Variants in DPY19L2 observed in about 807,000 individuals in gnomAD.
DPY19L2 encodes dpy-19 like 2.
A neutral mutation model predicts 97.9 loss-of-function variants in DPY19L2; 34 were observed. The observed-to-expected ratio is 0.35, with a 90% CI of 0.26 to 0.46. The LOEUF (loss-of-function observed/expected upper bound fraction) is 0.46. Among genes scored for constraint, DPY19L2 ranks in the 20% least tolerant of loss-of-function variants. The probability of loss-of-function intolerance (pLI) is 1.00; values close to 1 mark genes in which losing one functional copy is unlikely to be tolerated. For synonymous variants in DPY19L2, 230 were observed against 307.9 expected (o/e 0.75, Z 2.65); for missense variants, 623 against 911.4 (o/e 0.68, Z 4.07).
rs868086663 is a variant in DPY19L2 at position 63,644,264 on chromosome 12, C to T, written c.803+139G>A. Reference sequence around the variant, plus strand: ...TTCTGGTTACATGATATTGGTTAAGCTTCTGAAAAATCAAGTAAATCCACA... The same window carrying T: ...TTCTGGTTACATGATATTGGTTAAGTTTCTGAAAAATCAAGTAAATCCACA... On this transcript the variant is annotated intron_variant, in intron 6 of 21. Coordinates refer to ENST00000324472, the MANE Select transcript of DPY19L2 (RefSeq NM_173812.5). 21 of 1,110,406 alleles carry T rather than the reference C, an allele frequency of 1.9e-5. No individual in the cohort carries two copies. In the Middle Eastern group the frequency reaches 8.5e-4, roughly 45 times the overall value. 68.8% of individuals were successfully genotyped at this position (1,110,406 alleles called of 1,614,324 possible).
chr12:63,644,777 A>G (rs180777368), intron 5 of DPY19L2, among the ~76,000 whole-genome samples: 3 of 152,192 alleles, frequency 2.0e-5, no homozygotes, highest in Admixed American at 6.5e-5. Context: ...TTACACTTAT[A>G]CTTTATACTT....
chr12:63,610,121 T>TTTAATA (rs1157478503), intron 11 of DPY19L2, among the ~76,000 whole-genome samples: 1 of 150,752 alleles, frequency 6.6e-6, no homozygotes, highest in Non-Finnish European at 1.5e-5. Context: ...AAAGACTATC[T>TTTAATA]TTAATATAAG....
intron 9 of DPY19L2, among the ~76,000 whole-genome samples, chr12:63,618,443 A>T (rs1592591919): frequency 1.3e-5 from 2 of 152,184 alleles, no homozygotes; most frequent in East Asian, 1.9e-4. Flanking sequence ...GCCACAGACT[A>T]TTAACAAAGC....
chr12:63,647,534 C>T (rs918835729), intron 4 of DPY19L2, among the ~76,000 whole-genome samples, 169 bp from the exon 5 acceptor site: 5 of 152,004 alleles, frequency 3.3e-5, no homozygotes, highest in African/African-American at 7.2e-5. Context: ...GGCAAACTAT[C>T]GCAAGGACAT....
chr12:63,628,288 G>T (rs566164750), intron 6 of DPY19L2, among the ~76,000 whole-genome samples: 2 of 152,174 alleles, frequency 1.3e-5, no homozygotes, highest in African/African-American at 2.4e-5. Flanking sequence ...CCCAGGAAGC[G>T]CAAGGGGTCA....
At chr12:63,582,711 G>A (rs1253036355) in intron 17 of DPY19L2, among the ~76,000 whole-genome samples, 186 bp from the exon 18 acceptor site, 4 of 152,002 alleles carry the variant, frequency 2.6e-5, no homozygotes, top group Non-Finnish European at 5.9e-5. Context: ...TGGGTGCTTC[G>A]GATACAGCAG....
chr12:63,621,590 T>C (rs1565782266), intron 8 of DPY19L2, among the ~76,000 whole-genome samples: 1 of 152,172 alleles, frequency 6.6e-6, no homozygotes, highest in South Asian at 2.1e-4. Flanking sequence ...ACAAAAGCTC[T>C]TTTTCCTCTA....
chr12:63,593,438 C>T (rs1270865661), intron 16 of DPY19L2, among the ~76,000 whole-genome samples: 1 of 152,116 alleles, frequency 6.6e-6, no homozygotes, highest in African/African-American at 2.4e-5. Context: ...GGCACATATA[C>T]ACCATGGAAT....
intron 6 of DPY19L2, among the ~76,000 whole-genome samples, chr12:63,637,664 G>T (rs1212646562): frequency 6.6e-6 from 1 of 152,046 alleles, no homozygotes; most frequent in African/African-American, 2.4e-5. Flanking sequence ...CCAGGAAGAA[G>T]TTGAATCCCT....
intron 6 of DPY19L2, among the ~76,000 whole-genome samples, chr12:63,627,608 C>G (rs1296756019): frequency 6.6e-6 from 1 of 152,162 alleles, no homozygotes; most frequent in Non-Finnish European, 1.5e-5. Context: ...CCTCAGCCTC[C>G]CAAAGTGCTG....
Position 63,597,852 on chromosome 12 carries a change from A to G in DPY19L2, c.1418T>C (p.Leu473Ser). The part of the protein sequence containing the change: ...RILRYTDFDT[L>S]IYTCAPEFDF... ...AAATTCGGGAGCACAGGTATATATT[A>G]AAGTATCAAAATCTGTATACCTTAA... is the stretch of plus-strand genomic sequence containing the variant. The change falls in exon 14 of 22, where the codon TTA (leucine) becomes TCA (serine). Residue 473 changes from leucine to serine, a missense_variant. Physicochemically the swap from Leu to Ser is moderately radical, Grantham distance 145. Around this residue, in one of 6 missense-constraint regions of DPY19L2, gnomAD observed 294 missense variants for 446.2 expected, o/e 0.66. Coordinates refer to ENST00000324472, the MANE Select transcript of DPY19L2 (RefSeq NM_173812.5). The G allele has an allele frequency of 6.2e-7, 1 of 1,608,188 alleles. No homozygotes were observed. Among genetic ancestry groups the G allele is most frequent in the Non-Finnish European group, 8.5e-7 (1 of 1,178,180 alleles).
chr12:63,666,967 T>C (rs1260102291), intron 1 of DPY19L2, among the ~76,000 whole-genome samples: 5 of 152,188 alleles, frequency 3.3e-5, no homozygotes, highest in Admixed American at 6.5e-5. Context: ...ATTAAAAAAT[T>C]GCAGTGTTGA....
At chr12:63,603,732 T>C (rs1051223597) in intron 12 of DPY19L2, among the ~76,000 whole-genome samples, 4 of 152,204 alleles carry the variant, frequency 2.6e-5, no homozygotes, top group African/African-American at 7.2e-5. Flanking sequence ...TAATATTCCA[T>C]GGTATATATG....
chr12:63,659,697 G>A (rs1895422205), intron 4 of DPY19L2, among the ~76,000 whole-genome samples: 1 of 152,032 alleles, frequency 6.6e-6, no homozygotes, highest in African/African-American at 2.4e-5. Context: ...ATTGTACCGA[G>A]ACAATTAATT....
rs548305097 is a variant in DPY19L2 at position 63,600,320 on chromosome 12, C to T, written c.1345G>A (p.Gly449Ser). 1 of 1,607,902 alleles carries T rather than the reference C, an allele frequency of 6.2e-7. No homozygotes were observed. The highest frequency in any genetic ancestry group is 8.5e-7 in the Non-Finnish European group (1 of 1,176,556). The change falls in exon 13 of 22, where the codon GGC (glycine) becomes AGC (serine). Residue 449 changes from glycine (G) to serine (S), a missense_variant. Transcript: ENST00000324472. Reference sequence around the variant, plus strand: ...AAAGTACTTACGTGGTCTGAAACGCCTAAGATTTTAGATGTCAGAAATTTC... The same window carrying T: ...AAAGTACTTACGTGGTCTGAAACGCTTAAGATTTTAGATGTCAGAAATTTC... ...ILKFLTSKIL[G>S]VSDHIRLSDL...
intron 6 of DPY19L2, among the ~76,000 whole-genome samples, chr12:63,633,619 C>T (rs1011898566): frequency 8.5e-5 from 13 of 152,116 alleles, no homozygotes. Flanking sequence ...GTTGGTGGGA[C>T]TGTAAACTAG....
intron 6 of DPY19L2, among the ~76,000 whole-genome samples, chr12:63,627,013 G>C (rs969812390): frequency 3.3e-5 from 5 of 152,046 alleles, no homozygotes; most frequent in Admixed American, 1.3e-4. Context: ...TCCTGACCTC[G>C]TGATCCACCC....
intron 16 of DPY19L2, 111 bp from the exon 17 acceptor site, chr12:63,583,947 A>G: frequency 1.3e-6 from 1 of 793,986 alleles, no homozygotes; most frequent in East Asian, 2.7e-5. Context: ...GACTATCTCT[A>G]AACTACTTAC....
intron 6 of DPY19L2, among the ~76,000 whole-genome samples, chr12:63,632,117 A>G (rs1334805370): frequency 4.6e-5 from 7 of 152,124 alleles, no homozygotes; most frequent in East Asian, 1.9e-4. Flanking sequence ...CATACTGAAT[A>G]GGCAAAACCT....
Sources: allele counts gnomAD v4.1 joint callset (sites outside exome capture counted in the v4.1 genomes callset), GRCh38; gene constraint gnomAD v4.1.1; regional missense constraint gnomAD v4.1.1; transcripts MANE v1.5; gene names NCBI Gene and HGNC (gene_info 2026-07-23, HGNC 2026-07-21).